ZBBX: variants seen among roughly 807,000 people sequenced by gnomAD.
ZBBX encodes zinc finger B-box domain-containing protein 1.
ZBBX carries 101 observed loss-of-function variants against 108.5 expected under a neutral mutation model. The ratio of observed to expected loss-of-function variants is 0.93; its 90% CI spans 0.79 to 1.10. The LOEUF is 1.10. Ranked by LOEUF, ZBBX falls within the 50% of genes least tolerant of loss-of-function variation. The pLI is 0.00. For synonymous variants in ZBBX, 356 were observed against 323.4 expected (o/e 1.10, Z -1.08); for missense variants, 1,009 against 941.4 (o/e 1.07, Z -0.94).
At chr3:167,187,307 G>T in the ZBBX span, among the ~76,000 whole-genome samples, 1 of 152,142 alleles carries the variant, frequency 6.6e-6, no homozygotes, top group Non-Finnish European at 1.5e-5. Flanking sequence ...TCACAGATTG[G>T]TGGTTCTACG....
chr3:167,399,638 G>A (rs1197573031), intron 1 of ZBBX: 1 of 152,098 alleles, frequency 6.6e-6, no homozygotes, highest in Non-Finnish European at 1.5e-5. Context: ...CAAGGTCATG[G>A]AGGTAAGAGA....
chr3:167,315,852 A>G, intron 14 of ZBBX, 23 bp from the exon 15 acceptor site: 1 of 1,448,726 alleles, frequency 6.9e-7, no homozygotes, highest in South Asian at 1.3e-5. Context: ...ATGTTATATA[A>G]TATTAGTAAG....
At chr3:167,232,385 A>G in the ZBBX span, among the ~76,000 whole-genome samples, 18 of 151,898 alleles carry the variant, frequency 1.2e-4, no homozygotes, top group African/African-American at 4.3e-4. Flanking sequence ...CTTGGCATCT[A>G]TCTGATAGCA....
At chr3:167,240,996 T>C (rs1400428059) in intron 21 of ZBBX, 77 bp from the exon 22 acceptor site, 3 of 1,517,296 alleles carry the variant, frequency 2.0e-6, no homozygotes, top group South Asian at 1.2e-5. Flanking sequence ...TGATCAATAC[T>C]ACATATGTTG....
chr3:167,350,562 T>A, intron 8 of ZBBX, 47 bp from the exon 9 acceptor site: 2 of 1,349,954 alleles, frequency 1.5e-6, no homozygotes, highest in South Asian at 2.9e-5. Flanking sequence ...TAAAATAGTA[T>A]GATTTTTAGA....
In ZBBX at chr3:167,360,686, T is replaced by C; in HGVS notation, c.311A>G (p.Glu104Gly). 1 of 1,385,424 alleles carries C rather than the reference T, an allele frequency of 7.2e-7. No individual in the cohort carries two copies. The highest frequency in any genetic ancestry group is 2.8e-5 in the East Asian group (1 of 36,326). 85.8% of individuals were successfully genotyped at this position (1,385,424 alleles called of 1,614,324 possible). The change falls in exon 7 of 22, where the codon GAA (glutamate) becomes GGA (glycine). Residue 104 changes from glutamate (E) to glycine (G), a missense_variant. By Grantham distance (98) the Glu-to-Gly change is moderately conservative. Coordinates refer to ENST00000675490, the MANE Select transcript of ZBBX (RefSeq NM_001199201.2). ...AGKVKLKLLK[E>G]QIQEPVKPTV... ...GATAAATTATTTACCTTGAATCTGT[T>C]CCTTCAGCAATTTTAATTTCACTTT...
At chr3:167,279,803 C>A (rs1386622268) in intron 20 of ZBBX, among the ~76,000 whole-genome samples, 2 of 152,034 alleles carry the variant, frequency 1.3e-5, no homozygotes, top group African/African-American at 2.4e-5. Context: ...AATCCTAAGC[C>A]AAAAGAACAA....
At chr3:167,204,198 C>CTT in the ZBBX span, among the ~76,000 whole-genome samples, 347 of 118,100 alleles carry the variant, frequency 2.9e-3, 5 homozygotes, top group South Asian at 8.8e-3. Flanking sequence ...TTCTTTTTTT[C>CTT]TTTTTTTTTT....
At chr3:167,349,754 T>A (rs1225429868) in intron 9 of ZBBX, among the ~76,000 whole-genome samples, 1 of 152,060 alleles carries the variant, frequency 6.6e-6, no homozygotes, top group Non-Finnish European at 1.5e-5. Context: ...AAGTACTCAA[T>A]AAATATTTGT....
the ZBBX span, among the ~76,000 whole-genome samples, chr3:167,180,238 G>A: frequency 6.6e-6 from 1 of 152,164 alleles, no homozygotes; most frequent in Non-Finnish European, 1.5e-5. Context: ...AGCCTCCTTT[G>A]TTAATTGCTG....
chr3:167,337,583 C>T (rs991302200), intron 9 of ZBBX, among the ~76,000 whole-genome samples: 3 of 152,070 alleles, frequency 2.0e-5, no homozygotes, highest in Admixed American at 6.6e-5. Flanking sequence ...AATAACTGCC[C>T]GTATTTGGTA....
chr3:167,325,714 T>C (rs1737257525), intron 11 of ZBBX, among the ~76,000 whole-genome samples: 1 of 152,172 alleles, frequency 6.6e-6, no homozygotes, highest in Admixed American at 6.6e-5. Flanking sequence ...CAATATTCGC[T>C]GATAGAATTA....
At chr3:167,191,858 T>A in the ZBBX span, among the ~76,000 whole-genome samples, 1 of 142,400 alleles carries the variant, frequency 7.0e-6, no homozygotes, top group Non-Finnish European at 1.5e-5. Context: ...TTTTAGTGAA[T>A]GTTTTTGCAA....
In ZBBX at chr3:167,328,555, A is replaced by G. The variant is rs561606949; in HGVS notation, c.688-439T>C. On this transcript the variant is annotated intron_variant, in intron 10 of 21. Coordinates refer to ENST00000675490, the MANE Select transcript of ZBBX (RefSeq NM_001199201.2). ...AAAACTCTCTGTTGACTGTCTATGA[A>G]ACCCCAAGTTCCTACCAGGACCTAC... Among the ~76,000 whole-genome samples the G allele has an allele frequency of 1.3e-3, 203 of 152,056 alleles. 2 individuals are homozygous for G. The highest frequency in any genetic ancestry group is 4.8e-3 in the African/African-American group (201 of 41,460).
chr3:167,295,707 T>G, intron 18 of ZBBX, among the ~76,000 whole-genome samples: 1 of 78,460 alleles, frequency 1.3e-5, no homozygotes, highest in Non-Finnish European at 2.4e-5. Flanking sequence ...AACAAAAAAT[T>G]GGAATATATA....
the ZBBX span, among the ~76,000 whole-genome samples, chr3:167,189,474 T>G: frequency 6.6e-6 from 1 of 152,050 alleles, no homozygotes; most frequent in Non-Finnish European, 1.5e-5. Context: ...ATGCTAGACA[T>G]GCACACACTC....
At chr3:167,361,934 T>G (rs73169184) in intron 6 of ZBBX, among the ~76,000 whole-genome samples, 6,793 of 152,256 alleles carry the variant, frequency 0.045, 236 homozygotes, top group Non-Finnish European at 0.066. Context: ...TTTTTATTAT[T>G]ATGAATAATA....
chr3:167,292,446 T>A (rs1730867041), intron 18 of ZBBX, among the ~76,000 whole-genome samples: 1 of 152,170 alleles, frequency 6.6e-6, no homozygotes, highest in Non-Finnish European at 1.5e-5. Context: ...TGCTCCTGAA[T>A]GACTCTGGGT....
intron 1 of ZBBX, among the ~76,000 whole-genome samples, chr3:167,397,418 C>G (rs1333558155): frequency 6.6e-6 from 1 of 151,660 alleles, no homozygotes; most frequent in Non-Finnish European, 1.5e-5. Context: ...TGCACATGCA[C>G]AAAAACACAC....
Sources: gnomAD v4.1 joint callset for allele counts (sites outside exome capture counted in the v4.1 genomes callset) on GRCh38, gnomAD v4.1.1 for gene constraint, MANE v1.5 for transcripts, NCBI Gene and HGNC (gene_info 2026-07-23, HGNC 2026-07-21) for gene names.